The following EHBP1L1 variants were observed in gnomAD, a reference collection of about 807,000 sequenced individuals.
EHBP1L1 encodes EH domain binding protein 1 like 1, also known as EH domain-binding protein 1-like protein 1.
Under a neutral mutation model 151.1 loss-of-function variants are expected in EHBP1L1, and 122 were observed. The ratio of observed to expected loss-of-function variants is 0.81; its 90% CI spans 0.70 to 0.94. The LOEUF (loss-of-function observed/expected upper bound fraction) is 0.94, where lower values mean the gene tolerates loss of function less well. Ranked by LOEUF, EHBP1L1 falls within the 40% of genes least tolerant of loss-of-function variation. The pLI is 0.00. For synonymous variants in EHBP1L1, 878 were observed against 810.1 expected (o/e 1.08, Z -1.42); for missense variants, 1,941 against 1,959.8 (o/e 0.99, Z 0.18).
chr11:65,579,438 TGA>T lies in EHBP1L1; in HGVS notation c.258+4_258+5del, dbSNP rs781206100. 6.6e-7 allele frequency: 1 copy of T among 1,515,018 alleles called. No individual in the cohort carries two copies. Among genetic ancestry groups the T allele is most frequent in the Non-Finnish European group, 8.9e-7 (1 of 1,128,248 alleles). The allele number at this position is 1,515,018 out of a possible 1,614,324, so 93.8% of individuals were successfully genotyped here. A position where few individuals can be genotyped will look rare whatever the true frequency, so the allele number is the denominator to read the frequency against. On this transcript the variant is annotated splice_donor_region_variant and intron_variant, in intron 3 of 18. Coordinates refer to ENST00000309295, the MANE Select transcript of EHBP1L1 (RefSeq NM_001099409.3). ...GACATCTCTGTGACCCTCTACAGGG[TGA>T]GTCTCTAGCCCTCCAGCATGGATGG...
Position 65,581,653 on chromosome 11 carries a change from C to T in EHBP1L1, c.981C>T (p.Ala327=). 1.3e-6 allele frequency: 2 copies of T among 1,560,770 alleles called. No homozygotes were observed. Among genetic ancestry groups the T allele is most frequent in the Non-Finnish European group, 1.7e-6 (2 of 1,152,782 alleles). ...VPQGEDEVPK[A]SGAPPAGLGS... ...AGGGGGAAGATGAGGTCCCCAAAGCCTCAGGGGCTCCTCCAGCAGGATTGG... is the reference window on the plus strand; with the variant it reads ...AGGGGGAAGATGAGGTCCCCAAAGCTTCAGGGGCTCCTCCAGCAGGATTGG... The change falls in exon 9 of 19, where the codon GCC becomes GCT. Residue 327 remains alanine, a synonymous_variant. Transcript: ENST00000309295.
Position 65,584,957 on chromosome 11 carries a change from A to G in EHBP1L1, c.3301-2A>G. The G allele has an allele frequency of 1.3e-6, 2 of 1,533,320 alleles. No individual in the cohort carries two copies. The highest frequency in any genetic ancestry group is 1.7e-6 in the Non-Finnish European group (2 of 1,145,656). 95.0% of individuals were successfully genotyped at this position (1,533,320 alleles called of 1,614,324 possible). Reference sequence around the variant, plus strand: ...CTGACCCCGAGTGCACCCTTCCCCTAGGCCTTCGATGGCTTCGCGGCTCTG... The same window carrying G: ...CTGACCCCGAGTGCACCCTTCCCCTGGGCCTTCGATGGCTTCGCGGCTCTG... On this transcript the variant is annotated splice_acceptor_variant, in intron 11 of 18. Coordinates refer to ENST00000309295, the MANE Select transcript of EHBP1L1 (RefSeq NM_001099409.3). LOFTEE classifies it high-confidence loss of function.
intron 15 of EHBP1L1, 27 bp from the exon 16 acceptor site, chr11:65,590,466 C>G (rs1858212987): frequency 6.2e-7 from 1 of 1,608,982 alleles, no homozygotes; most frequent in South Asian, 1.1e-5. Flanking sequence ...AGGGGGCAGG[C>G]CTGGTGACTG....
Position 65,582,903 on chromosome 11 carries a change from C to G in EHBP1L1, c.2231C>G (p.Ala744Gly). 1 of 1,613,452 alleles carries G rather than the reference C, an allele frequency of 6.2e-7. No homozygotes were observed. The change falls in exon 9 of 19, where the codon GCA becomes GGA. Residue 744 changes from alanine to glycine, a missense_variant. Transcript: ENST00000309295. ...SGVREIEAEI[A>G]ESDILVAQEI... The stretch of plus-strand genomic sequence containing the variant: ...GTCAGAGAGATAGAAGCAGAGATAG[C>G]AGAGTCTGACATATTGGTAGCCCAG...
chr11:65,582,124 G>A lies in EHBP1L1; in HGVS notation c.1452G>A (p.Glu484=), dbSNP rs552820442. The change falls in exon 9 of 19, where the codon GAG becomes GAA. Residue 484 remains glutamate, a synonymous_variant. Transcript: ENST00000309295. The part of the protein sequence containing the change: ...APSGLSLPPA[E]PAGHSGQLGD... ...CAGGCCTGAGCCTGCCCCCAGCGGA[G>A]CCTGCAGGGCACTCTGGGCAACTTG... 6 of 1,594,838 alleles carry A rather than the reference G, an allele frequency of 3.8e-6. No homozygotes were observed. In the South Asian group the frequency reaches 6.7e-5, roughly 18 times the overall value.
Position 65,592,317 on chromosome 11 carries a change from G to C in EHBP1L1, c.*15G>C. On this transcript the variant is annotated 3_prime_UTR_variant, in exon 19 of 19. Transcript: ENST00000309295. ...TGCTGAGCTGAGGCCGCCGGCCCGG[G>C]TGGCCCATAACTTCTCGCGTCCCCG... 6.8e-7 allele frequency: 1 copy of C among 1,460,032 alleles called. No individual in the cohort carries two copies. The highest frequency in any genetic ancestry group is 2.7e-5 in the East Asian group (1 of 36,658). 90.4% of individuals were successfully genotyped at this position (1,460,032 alleles called of 1,614,324 possible). A position where few individuals can be genotyped will look rare whatever the true frequency, so the allele number is the denominator to read the frequency against.
intron 12 of EHBP1L1, among the ~76,000 whole-genome samples, chr11:65,586,899 T>C (rs556575587): frequency 1.3e-5 from 2 of 152,252 alleles, no homozygotes; most frequent in South Asian, 4.1e-4. Context: ...AGTCAGGCCT[T>C]CCCCCAGCTC....
At chr11:65,578,563 A>G in intron 1 of EHBP1L1, among the ~76,000 whole-genome samples, 1 of 151,680 alleles carries the variant, frequency 6.6e-6, no homozygotes, top group East Asian at 1.9e-4. Flanking sequence ...CCCCACCTCC[A>G]TTGTCCTCAC....
rs1312469962 is a variant in EHBP1L1, at chr11:65,585,165, G to T, written c.3507G>T (p.Pro1169=). The change falls in exon 12 of 19, where the codon CCG becomes CCT. Residue 1169 remains proline, a synonymous_variant. Coordinates refer to ENST00000309295, the MANE Select transcript of EHBP1L1 (RefSeq NM_001099409.3). The surrounding 1 kb of genome is among the most constrained non-coding windows in gnomAD (Gnocchi z 4.0). ...GCGTGGGCAGCGCCCAGCCCAGCCC[G>T]CCCGACGACCTGGACGCCGGAGGCC... ...TYRVGSAQPS[P]PDDLDAGGLA... 3.0e-6 allele frequency: 4 copies of T among 1,354,690 alleles called. No individual in the cohort carries two copies. Among genetic ancestry groups the T allele is most frequent in the Non-Finnish European group, 3.8e-6 (4 of 1,059,594 alleles). The allele number at this position is 1,354,690 out of a possible 1,614,324, so 83.9% of individuals were successfully genotyped here. A position where few individuals can be genotyped will look rare whatever the true frequency, so the allele number is the denominator to read the frequency against.
chr11:65,580,895 T>C (rs1565121386), intron 6 of EHBP1L1, 163 bp from the exon 7 acceptor site: 1 of 1,423,124 alleles, frequency 7.0e-7, no homozygotes, highest in Non-Finnish European at 9.2e-7. Context: ...TCTCTCTTTC[T>C]CTCCACATCT....
chr11:65,579,546 G>A (rs1026523576), intron 3 of EHBP1L1, 110 bp downstream of exon 3: 2 of 948,438 alleles, frequency 2.1e-6, no homozygotes, highest in South Asian at 4.0e-5. Context: ...AGGATGCGGG[G>A]GGTGAGGCCA....
intron 11 of EHBP1L1, 93 bp from the exon 12 acceptor site, chr11:65,584,866 A>T: frequency 6.8e-7 from 1 of 1,472,794 alleles, no homozygotes; most frequent in Non-Finnish European, 9.0e-7. Context: ...CGGGGTGCCA[A>T]TCCCGGGGAC....
intron 12 of EHBP1L1, among the ~76,000 whole-genome samples, chr11:65,587,861 G>A (rs535145069): frequency 2.6e-5 from 4 of 152,346 alleles, no homozygotes; most frequent in Non-Finnish European, 5.9e-5. Context: ...GTAAAGTGGG[G>A]AGGGTCGTGG....
intron 12 of EHBP1L1, among the ~76,000 whole-genome samples, chr11:65,588,057 G>A (rs1226397385): frequency 6.6e-6 from 1 of 152,190 alleles, no homozygotes; most frequent in East Asian, 1.9e-4. Flanking sequence ...GTGACGGGGT[G>A]AGTGGGGGTT....
At chr11:65,576,569 T>C (rs2135212262) in intron 1 of EHBP1L1, among the ~76,000 whole-genome samples, 163 bp downstream of exon 1, 1 of 152,282 alleles carries the variant, frequency 6.6e-6, no homozygotes, top group Middle Eastern at 3.4e-3. Flanking sequence ...AGAAGTGCCC[T>C]TGCAATTTGT....
chr11:65,589,904 AG>A (rs994812682), intron 13 of EHBP1L1, 31 bp from the exon 14 acceptor site: 5 of 1,537,418 alleles, frequency 3.3e-6, no homozygotes, highest in Admixed American at 2.0e-5. Flanking sequence ...GGTGGTGGTT[AG>A]GGGGTGCCTT....
intron 12 of EHBP1L1, among the ~76,000 whole-genome samples, chr11:65,589,370 C>T (rs1156673717): frequency 2.0e-5 from 3 of 152,080 alleles, no homozygotes; most frequent in Non-Finnish European, 2.9e-5. Flanking sequence ...CCAGCCAGGG[C>T]GACAGAGCGA....
In EHBP1L1 at chr11:65,581,680, C is replaced by A; in HGVS notation, c.1008C>A (p.Gly336=). Residue 336 remains glycine, a synonymous_variant, in exon 9 of 19, where the codon GGC becomes GGA. Coordinates refer to ENST00000309295, the MANE Select transcript of EHBP1L1 (RefSeq NM_001099409.3). ...CAGGGGCTCCTCCAGCAGGATTGGG[C>A]TCTGCTAGGGAGACCCAGGCCCAGG... The part of the protein sequence containing the change: ...KASGAPPAGL[G]SARETQAQAC... The A allele has an allele frequency of 1.3e-6, 2 of 1,571,174 alleles. No individual in the cohort carries two copies. Among genetic ancestry groups the A allele is most frequent in the Admixed American group, 1.9e-5 (1 of 53,008 alleles).
Position 65,582,961 on chromosome 11 carries a change from AAT to A in EHBP1L1, c.2291_2292del (p.Ile764ArgfsTer18). On this transcript the variant is annotated frameshift_variant, in exon 9 of 19. Transcript: ENST00000309295. LOFTEE classifies it high-confidence loss of function. ...AGGTGGGACTTTTGGGGGTTCTGGGAATAGAGACTGGGGCAGCAGAAGGTGCG... is the reference window on the plus strand; with the variant it reads ...AGGTGGGACTTTTGGGGGTTCTGGGAAGAGACTGGGGCAGCAGAAGGTGCG... ...IEVGLLGVLG[I>X]ETGAAEGAIL... 1 of 1,612,932 alleles carries A rather than the reference AAT, an allele frequency of 6.2e-7. No individual in the cohort carries two copies. Among genetic ancestry groups the A allele is most frequent in the Non-Finnish European group, 8.5e-7 (1 of 1,179,562 alleles).
Sources: allele counts gnomAD v4.1 joint callset (sites outside exome capture counted in the v4.1 genomes callset), GRCh38; gene constraint gnomAD v4.1.1; non-coding constraint Gnocchi (gnomAD v3.1); transcripts MANE v1.5; gene names NCBI Gene and HGNC (gene_info 2026-07-23, HGNC 2026-07-21).